Variants in IPCEF1 observed in about 807,000 individuals in gnomAD.
IPCEF1 encodes the protein interaction protein for cytohesin exchange factors 1.
Under a neutral mutation model 50.9 loss-of-function variants are expected in IPCEF1, and 31 were observed. The ratio of observed to expected loss-of-function variants is 0.61; its 90% CI spans 0.46 to 0.82. The LOEUF is 0.82. IPCEF1 is among the 40% of genes least tolerant of loss of function. The pLI is 0.00. For missense variants in IPCEF1, 458 were observed against 514.0 expected, an observed-to-expected ratio of 0.89 and a Z score of 1.05; for synonymous variants, 181 against 192.0, an observed-to-expected ratio of 0.94 and a Z score of 0.47.
chr6:154,206,067 A>G (rs2128598581), intron 9 of IPCEF1, among the ~76,000 whole-genome samples: 1 of 152,218 alleles, frequency 6.6e-6, no homozygotes, highest in African/African-American at 2.4e-5. Context: ...TCTTCATGGC[A>G]CCCCCATATT....
At chr6:154,177,161 G>A (rs145382527) in intron 10 of IPCEF1, among the ~76,000 whole-genome samples, 375 of 152,228 alleles carry the variant, frequency 2.5e-3, no homozygotes, top group African/African-American at 8.4e-3. Context: ...AGACTTAAAC[G>A]TAAGACCTAA....
At chr6:154,180,414 A>ATATATATATATATATATTTTTTTTT (rs1241250621) in intron 10 of IPCEF1, among the ~76,000 whole-genome samples, 5 of 65,262 alleles carry the variant, frequency 7.7e-5, no homozygotes, top group African/African-American at 1.9e-4. Flanking sequence ...ATATATATAT[A>ATATATATATATATATATTTTTTTTT]TTTTTTTTTT....
intron 5 of IPCEF1, among the ~76,000 whole-genome samples, chr6:154,227,575 G>A (rs1779359593): frequency 1.3e-5 from 2 of 152,004 alleles, no homozygotes; most frequent in South Asian, 2.1e-4. Flanking sequence ...AAAATTAGCC[G>A]AGCATGGCAG....
intron 2 of IPCEF1, among the ~76,000 whole-genome samples, chr6:154,277,367 G>GT (rs1405908644): frequency 6.6e-6 from 1 of 152,178 alleles, no homozygotes; most frequent in African/African-American, 2.4e-5. Flanking sequence ...TGAGATATTT[G>GT]TTGACACAAT....
intron 6 of IPCEF1, among the ~76,000 whole-genome samples, chr6:154,221,558 T>C (rs1778860010): frequency 6.6e-6 from 1 of 152,200 alleles, no homozygotes; most frequent in African/African-American, 2.4e-5. Context: ...GAGTCTTAGC[T>C]GGTCAGTAGT....
chr6:154,266,333 TATA>T (rs1309295207), intron 2 of IPCEF1, among the ~76,000 whole-genome samples: 3 of 151,946 alleles, frequency 2.0e-5, no homozygotes, highest in Non-Finnish European at 2.9e-5. Context: ...TACAGTGAGC[TATA>T]ATGGCACCAC....
intron 10 of IPCEF1, among the ~76,000 whole-genome samples, chr6:154,180,347 CAT>C (rs143058126): frequency 1.4e-5 from 2 of 142,092 alleles, no homozygotes; most frequent in Non-Finnish European, 3.1e-5. Context: ...AGAAAGGAGA[CAT>C]ATATATATAT....
intron 3 of IPCEF1, among the ~76,000 whole-genome samples, chr6:154,254,014 G>T (rs1281859820): frequency 6.6e-6 from 1 of 151,864 alleles, no homozygotes; most frequent in Non-Finnish European, 1.5e-5. Context: ...TGCTTTACTT[G>T]TATCGCCTTG....
At chr6:154,162,059 T>C (rs1234570059) in intron 11 of IPCEF1, among the ~76,000 whole-genome samples, 3 of 152,200 alleles carry the variant, frequency 2.0e-5, no homozygotes, top group Non-Finnish European at 4.4e-5. Flanking sequence ...CAAGTTCCTA[T>C]TGCCCACGAA....
chr6:154,191,918 A>T (rs1801924392), intron 10 of IPCEF1, among the ~76,000 whole-genome samples: 1 of 152,168 alleles, frequency 6.6e-6, no homozygotes, highest in Admixed American at 6.5e-5. Flanking sequence ...AAGCCTATTA[A>T]TTTCAAAATA....
rs146390253 is a variant in IPCEF1 at position 154,329,587 on chromosome 6, T to C, written c.-62+27085A>G. On this transcript the variant is annotated intron_variant, in intron 1 of 11. Coordinates refer to ENST00000367220, the MANE Select transcript of IPCEF1 (RefSeq NM_001130700.2). ...GCCTGAGTGACAGAGCCAGACCCTG[T>C]TGCAAGAAAAAGAAAAAAAAAGAAA... Among the ~76,000 whole-genome samples the C allele has an allele frequency of 6.0e-3, 887 of 146,896 alleles. 7 individuals carry two copies. Among genetic ancestry groups the C allele is most frequent in the African/African-American group, 0.021 (828 of 39,538 alleles).
intron 9 of IPCEF1, among the ~76,000 whole-genome samples, chr6:154,200,413 A>G (rs1432574127): frequency 6.6e-6 from 1 of 152,236 alleles, no homozygotes; most frequent in African/African-American, 2.4e-5. Context: ...CTGATGGAAC[A>G]AGAAAGATAA....
chr6:154,311,158 A>C (rs1308300440), intron 1 of IPCEF1, among the ~76,000 whole-genome samples: 1 of 152,232 alleles, frequency 6.6e-6, no homozygotes, highest in Non-Finnish European at 1.5e-5. Context: ...AAAATAAATT[A>C]ATAAAAAATA....
At chr6:154,180,519 T>C (rs1300237735) in intron 10 of IPCEF1, among the ~76,000 whole-genome samples, 1 of 151,884 alleles carries the variant, frequency 6.6e-6, no homozygotes, top group East Asian at 1.9e-4. Flanking sequence ...CCCTGCCAAA[T>C]GAATGTGCTG....
chr6:154,170,637 C>T (rs1239637363), intron 10 of IPCEF1, among the ~76,000 whole-genome samples: 1 of 152,204 alleles, frequency 6.6e-6, no homozygotes, highest in Non-Finnish European at 1.5e-5. Flanking sequence ...AGACTTTTGG[C>T]TCACACCGTG....
intron 5 of IPCEF1, among the ~76,000 whole-genome samples, chr6:154,239,555 A>T (rs553665586): frequency 6.6e-6 from 1 of 152,302 alleles, no homozygotes; most frequent in African/African-American, 2.4e-5. Flanking sequence ...TAAACCGGTC[A>T]CCTACAGCTG....
At position 154,330,514 on chromosome 6, in the gene IPCEF1, T is replaced by C. The variant is rs116179993; in HGVS notation, c.-62+26158A>G. ...TAATTTTTTTTATGATCGGTAGAGA[T>C]AAGGTCTTACTATGTTGCCCAGGCT... On this transcript the variant is annotated intron_variant, in intron 1 of 11. Coordinates refer to ENST00000367220, the MANE Select transcript of IPCEF1 (RefSeq NM_001130700.2). 3.7e-3 allele frequency among the ~76,000 whole-genome samples: 560 copies of C among 151,826 alleles called. 3 individuals are homozygous for C. The highest frequency in any genetic ancestry group is 0.013 in the African/African-American group (531 of 41,450).
In IPCEF1 at chr6:154,265,939, T is replaced by A; in HGVS notation, c.9A>T (p.Ser3=). MT[S]YMAIDGSALQ... is the part of the protein sequence containing the mutation. The stretch of plus-strand genomic sequence containing the variant: ...GAGCACTGCCATCAATAGCCATGTA[T>A]GATGTCATCTTAGTAGAAACAAAAG... The change falls in exon 3 of 12, where the codon TCA becomes TCT. Residue 3 remains serine (S), a synonymous_variant. Transcript: ENST00000367220. 6.2e-7 allele frequency: 1 copy of A among 1,602,388 alleles called. No individual in the cohort carries two copies. Among genetic ancestry groups the A allele is most frequent in the Non-Finnish European group, 8.5e-7 (1 of 1,173,216 alleles).
At chr6:154,251,358 T>C (rs950220229) in intron 3 of IPCEF1, among the ~76,000 whole-genome samples, 3 of 152,196 alleles carry the variant, frequency 2.0e-5, no homozygotes, top group Non-Finnish European at 4.4e-5. Flanking sequence ...AAAACTGGCC[T>C]GGACAACATA....
Sources: allele counts gnomAD v4.1 joint callset (sites outside exome capture counted in the v4.1 genomes callset), GRCh38; gene constraint gnomAD v4.1.1; transcripts MANE v1.5; gene names NCBI Gene and HGNC (gene_info 2026-07-23, HGNC 2026-07-21).